The following SUPT3H variants were observed in gnomAD, a reference collection of about 807,000 sequenced individuals.
SUPT3H encodes transcription initiation protein SPT3 homolog.
A neutral mutation model predicts 44.3 loss-of-function variants in SUPT3H; 44 were observed. That is an observed-to-expected ratio of 0.99 (90% CI 0.78 to 1.28). SUPT3H has a LOEUF of 1.28. Among genes scored for constraint, SUPT3H ranks in the 50% most tolerant of loss-of-function variants. The pLI is 0.00. For missense variants in SUPT3H, 380 were observed against 387.1 expected, an observed-to-expected ratio of 0.98 and a Z score of 0.15; for synonymous variants, 124 against 125.6, an observed-to-expected ratio of 0.99 and a Z score of 0.09.
chr6:45,121,664 T>C (rs59024254), intron 2 of SUPT3H, among the ~76,000 whole-genome samples: 1 of 152,086 alleles, frequency 6.6e-6, no homozygotes, highest in Non-Finnish European at 1.5e-5. Flanking sequence ...AGATTTTTTT[T>C]GGGTTTTTTT....
chr6:45,337,052 A>T (rs927782444), intron 2 of SUPT3H, among the ~76,000 whole-genome samples: 6 of 151,840 alleles, frequency 4.0e-5, no homozygotes, highest in African/African-American at 1.4e-4. Flanking sequence ...GCATAAAACT[A>T]CATAGCAACA....
chr6:45,169,079 G>A (rs1810375174), intron 2 of SUPT3H, among the ~76,000 whole-genome samples: 1 of 152,104 alleles, frequency 6.6e-6, no homozygotes, highest in African/African-American at 2.4e-5. Flanking sequence ...GGGTGATAAA[G>A]GAGCATACAA....
intron 9 of SUPT3H, among the ~76,000 whole-genome samples, chr6:44,937,321 G>A (rs552675417): frequency 9.2e-5 from 14 of 151,892 alleles, no homozygotes; most frequent in South Asian, 4.2e-4. Flanking sequence ...GTGAAACCCC[G>A]TCTCTACTAA....
chr6:45,194,001 T>C (rs1250212462), intron 2 of SUPT3H, among the ~76,000 whole-genome samples: 4 of 152,188 alleles, frequency 2.6e-5, no homozygotes, highest in Non-Finnish European at 4.4e-5. Context: ...TGTCCAGTTA[T>C]ACACTTGGGT....
intron 2 of SUPT3H, among the ~76,000 whole-genome samples, chr6:45,346,753 G>A (rs1790964202): frequency 1.3e-5 from 2 of 151,844 alleles, no homozygotes; most frequent in Non-Finnish European, 1.5e-5. Flanking sequence ...TTTTAGTAGA[G>A]ACCCAGTTTC....
At chr6:45,367,744 T>C (rs564617786) in intron 1 of SUPT3H, among the ~76,000 whole-genome samples, 6 of 152,174 alleles carry the variant, frequency 3.9e-5, no homozygotes, top group Non-Finnish European at 7.4e-5. Context: ...TGGTCAAATG[T>C]CCTGAGACAC....
chr6:45,052,465 A>T (rs1790449520), intron 3 of SUPT3H, among the ~76,000 whole-genome samples: 1 of 152,222 alleles, frequency 6.6e-6, no homozygotes, highest in Non-Finnish European at 1.5e-5. Context: ...AGATTATGGC[A>T]TGACTACCTT....
intron 2 of SUPT3H, among the ~76,000 whole-genome samples, chr6:45,114,680 C>A (rs996090441): frequency 2.6e-5 from 4 of 152,060 alleles, no homozygotes; most frequent in African/African-American, 9.7e-5. Context: ...CCTCATATAT[C>A]CTACATTTCT....
At chr6:45,364,264 TCAATATTGTATA>T (rs1483363701) in intron 2 of SUPT3H, among the ~76,000 whole-genome samples, 3 of 152,186 alleles carry the variant, frequency 2.0e-5, no homozygotes, top group Non-Finnish European at 4.4e-5. Context: ...CTAAGTGTTT[TCAATATTGTATA>T]AAGTAAGTTG....
intron 2 of SUPT3H, among the ~76,000 whole-genome samples, chr6:45,150,202 T>C (rs1477572315): frequency 6.6e-6 from 1 of 152,146 alleles, no homozygotes. Context: ...TATAAGAAAA[T>C]TATACATTTT....
intron 3 of SUPT3H, among the ~76,000 whole-genome samples, chr6:45,071,338 G>A (rs955509996): frequency 6.6e-6 from 1 of 151,980 alleles, no homozygotes; most frequent in Non-Finnish European, 1.5e-5. Context: ...AATTGCAAAA[G>A]TTACACATGA....
At chr6:45,134,112 T>C (rs1803901648) in intron 2 of SUPT3H, among the ~76,000 whole-genome samples, 1 of 151,828 alleles carries the variant, frequency 6.6e-6, no homozygotes, top group Admixed American at 6.6e-5. Flanking sequence ...GTTTTGGAGG[T>C]TGGGAAGCCC....
chr6:44,864,889 A>G (rs988861764), intron 10 of SUPT3H, among the ~76,000 whole-genome samples: 14 of 152,156 alleles, frequency 9.2e-5, no homozygotes, highest in African/African-American at 3.4e-4. Flanking sequence ...AAAATTTCTA[A>G]AGCTGGCTTG....
intron 3 of SUPT3H, among the ~76,000 whole-genome samples, chr6:45,093,065 T>C (rs1797348613): frequency 6.6e-6 from 1 of 151,922 alleles, no homozygotes; most frequent in South Asian, 2.1e-4. Flanking sequence ...ACTAACACAA[T>C]GTAGTAAAAT....
intron 2 of SUPT3H, among the ~76,000 whole-genome samples, chr6:45,209,196 T>C (rs1028754272): frequency 1.3e-5 from 2 of 152,210 alleles, no homozygotes; most frequent in African/African-American, 4.8e-5. Context: ...GTTGTTTTCA[T>C]GCCTGCTAGC....
chr6:44,953,491 G>C (rs953237184), intron 8 of SUPT3H, 74 bp from the exon 9 acceptor site: 90 of 1,172,182 alleles, frequency 7.7e-5, no homozygotes, highest in Non-Finnish European at 1.1e-4. Flanking sequence ...AAACCTAAAA[G>C]CAATACATTC....
intron 2 of SUPT3H, among the ~76,000 whole-genome samples, chr6:45,226,805 A>T (rs1337406812): frequency 6.6e-6 from 1 of 152,006 alleles, no homozygotes; most frequent in Non-Finnish European, 1.5e-5. Flanking sequence ...CTGGGATTAC[A>T]GGCGTGAGCC....
chr6:45,071,590 AC>A (rs1794394658), intron 3 of SUPT3H, among the ~76,000 whole-genome samples: 1 of 152,010 alleles, frequency 6.6e-6, no homozygotes, highest in African/African-American at 2.4e-5. Flanking sequence ...CTTTCCCAGA[AC>A]CCTGAGCCAT....
rs576038449 is a variant in SUPT3H, at chr6:45,366,618, G to A, written c.1-1317C>T. On this transcript the variant is annotated intron_variant, in intron 1 of 10. Transcript: ENST00000371459. The stretch of plus-strand genomic sequence containing the variant: ...TGTATTACCCTTTTTTTCACAATCA[G>A]GCAAGTTTTTAAAACTTAAACATTT... Among the ~76,000 whole-genome samples, 5 of 151,950 alleles carry A rather than the reference G, an allele frequency of 3.3e-5. No homozygotes were observed. The South Asian group carries it at 1.0e-3, about 32-fold the overall frequency.
Sources: gnomAD v4.1 joint callset for allele counts (sites outside exome capture counted in the v4.1 genomes callset) on GRCh38, gnomAD v4.1.1 for gene constraint, MANE v1.5 for transcripts, NCBI Gene and HGNC (gene_info 2026-07-23, HGNC 2026-07-21) for gene names.